DST: variants seen among roughly 807,000 people sequenced by gnomAD.
DST encodes bullous pemphigoid antigen.
A neutral mutation model predicts 875.2 loss-of-function variants in DST; 253 were observed. The ratio of observed to expected loss-of-function variants is 0.29; its 90% confidence interval spans 0.26 to 0.32. The LOEUF (loss-of-function observed/expected upper bound fraction) is 0.32, where lower values mean the gene tolerates loss of function less well. Among genes scored for constraint, DST ranks in the 10% least tolerant of loss-of-function variants. DST has a pLI of 1.00. For synonymous variants in DST, 3,124 were observed against 3,197.1 expected, an observed-to-expected ratio of 0.98 and a Z score of 0.77; for missense variants, 8,287 against 9,111.6, an observed-to-expected ratio of 0.91 and a Z score of 3.68.
chr6:56,885,947 T>C (rs562524550), intron 3 of DST, among the ~76,000 whole-genome samples: 3 of 152,244 alleles, frequency 2.0e-5, no homozygotes, highest in African/African-American at 7.2e-5. Context: ...GCCAGTGGTA[T>C]TACCCAGTAT....
rs774625619 is a variant in DST, at chr6:56,619,041, G to A, written c.4930-4557C>T. 6.8e-6 allele frequency: 11 copies of A among 1,613,310 alleles called. No individual in the cohort carries two copies. The highest frequency in any genetic ancestry group is 9.3e-6 in the Non-Finnish European group (11 of 1,179,748). Reference sequence around the variant, plus strand: ...ATAATGTTCTGTTGGTCACACTTTTGCTTAAATTCACTTACCAAATTTTGA... The same window carrying A: ...ATAATGTTCTGTTGGTCACACTTTTACTTAAATTCACTTACCAAATTTTGA... On this transcript the variant is annotated intron_variant, in intron 36 of 103. Coordinates refer to ENST00000680361, the MANE Select transcript of DST (RefSeq NM_001374736.1).
intron 95 of DST, among the ~76,000 whole-genome samples, 177 bp downstream of exon 95, chr6:56,470,929 C>A (rs1295475998): frequency 6.6e-6 from 1 of 151,988 alleles, no homozygotes; most frequent in Non-Finnish European, 1.5e-5. Flanking sequence ...AGTGAGTGTT[C>A]CTGACTCCAG....
rs1003784793 is a variant in DST, at chr6:56,535,438, T to C, written c.16771-146A>G. On this transcript the variant is annotated intron_variant, in intron 62 of 103. Coordinates refer to ENST00000680361, the MANE Select transcript of DST (RefSeq NM_001374736.1). ...ACTTAAAATTTACCCAAAGTATCGA[T>C]AGTAGGCAGGATAGCAGTGAAAAGG... 9.8e-5 allele frequency: 94 copies of C among 960,908 alleles called. No homozygotes were observed. The Admixed American group carries it at 1.5e-3, about 15-fold the overall frequency. 59.5% of individuals were successfully genotyped at this position (960,908 alleles called of 1,614,324 possible).
intron 4 of DST, among the ~76,000 whole-genome samples, chr6:56,766,008 G>C (rs1002072965): frequency 6.6e-6 from 1 of 152,122 alleles, no homozygotes; most frequent in African/African-American, 2.4e-5. Context: ...GTCCTACTTA[G>C]CTAGTCACAC....
intron 4 of DST, among the ~76,000 whole-genome samples, chr6:56,846,109 T>TA (rs2099806883): frequency 6.6e-6 from 1 of 152,208 alleles, no homozygotes; most frequent in Non-Finnish European, 1.5e-5. Context: ...TAGTACCTAC[T>TA]TCATGGGGTT....
intron 69 of DST, among the ~76,000 whole-genome samples, chr6:56,524,854 T>C (rs562786184): frequency 6.6e-6 from 1 of 152,154 alleles, no homozygotes; most frequent in African/African-American, 2.4e-5. Flanking sequence ...TACATATGCT[T>C]TCTTTCATGA....
intron 4 of DST, among the ~76,000 whole-genome samples, chr6:56,809,854 T>A (rs912065236): frequency 4.1e-4 from 63 of 152,260 alleles, no homozygotes; most frequent in African/African-American, 1.5e-3. Flanking sequence ...TAAGAAATTA[T>A]ATGAACAACT....
intron 72 of DST, 145 bp downstream of exon 72, chr6:56,515,305 A>G (rs2096567977): frequency 3.5e-6 from 3 of 855,060 alleles, no homozygotes; most frequent in Non-Finnish European, 5.3e-6. Flanking sequence ...AGAAGCAATT[A>G]TGAGGTAAGC....
At chr6:56,679,646 C>T (rs2099147566) in intron 9 of DST, among the ~76,000 whole-genome samples, 1 of 151,246 alleles carries the variant, frequency 6.6e-6, no homozygotes, top group Admixed American at 6.6e-5. Flanking sequence ...TGCCACGTGC[C>T]TGCGGTCCAA....
Position 56,843,587 on chromosome 6 carries a change from G to C in DST, c.625+7810C>G, listed in dbSNP as rs977877341. 8 of 984,078 alleles carry C rather than the reference G, an allele frequency of 8.1e-6. No individual in the cohort carries two copies. The African/African-American group carries it at 1.0e-4, about 13-fold the overall frequency. The allele number at this position is 984,078 out of a possible 1,614,324, so 61.0% of individuals were successfully genotyped here. A position where few individuals can be genotyped will look rare whatever the true frequency, so the allele number is the denominator to read the frequency against. On this transcript the variant is annotated intron_variant, in intron 4 of 103. Transcript: ENST00000680361. ...GTGCTTCGGGCCGGGCCGAGGCCGC[G>C]GCAGCGGTGCGGGAGGACCGGCGCG...
In DST at chr6:56,639,990, T is replaced by C; in HGVS notation, c.2558A>G (p.Lys853Arg). Residue 853 changes from lysine to arginine, a missense_variant, in exon 19 of 104, where the codon AAA becomes AGA. Lys to Arg is a conservative substitution (Grantham distance 26). Around this residue, in one of 10 missense-constraint regions of DST, gnomAD observed 1,160 missense variants for 1,424.3 expected, o/e 0.81. Transcript: ENST00000680361. ...PSVESHLENH[K>R]NVHRAIEEFE... ...TTCTTCAATAGCTCTATGAACATTT[T>C]TATGATTTTCTAAATGGCTTTCAAC... is the stretch of plus-strand genomic sequence containing the variant. 6.2e-7 allele frequency: 1 copy of C among 1,613,990 alleles called. No homozygotes were observed. The highest frequency in any genetic ancestry group is 8.5e-7 in the Non-Finnish European group (1 of 1,179,906).
Position 56,469,975 on chromosome 6 carries a change from G to T in DST, c.22477-18C>A, listed in dbSNP as rs2094799785. ...CTTGTCACCTGCCAAAAACAATGAT[G>T]AAATATTTACTTTAATGTCAATATT... On this transcript the variant is annotated intron_variant, in intron 96 of 103. Coordinates refer to ENST00000680361, the MANE Select transcript of DST (RefSeq NM_001374736.1). 9 of 1,612,382 alleles carry T rather than the reference G, an allele frequency of 5.6e-6. No homozygotes were observed. In the Admixed American group the frequency reaches 1.3e-4, roughly 24 times the overall value.
intron 2 of DST, among the ~76,000 whole-genome samples, chr6:56,928,283 C>T (rs992016577): frequency 3.9e-5 from 6 of 152,164 alleles, no homozygotes; most frequent in African/African-American, 9.7e-5. Flanking sequence ...TTTAGTACCT[C>T]GTATTGGCAG....
At position 56,572,418 on chromosome 6, in the gene DST, C is replaced by G. The variant is rs116121548; in HGVS notation, c.13555-152G>C. ...TGGCCAGTATTCTAAATATAATAAA[C>G]ATGCATATAGGCTATTTGAAAGGGA... On this transcript the variant is annotated intron_variant, in intron 52 of 103. Transcript: ENST00000680361. Among the ~76,000 whole-genome samples the G allele has an allele frequency of 2.3e-3, 354 of 152,238 alleles. 1 individual carries two copies. Among genetic ancestry groups the G allele is most frequent in the African/African-American group, 8.4e-3 (350 of 41,532 alleles).
Position 56,631,630 on chromosome 6 carries a change from T to C in DST, c.3964-241A>G, listed in dbSNP as rs568294364. Among the ~76,000 whole-genome samples, 31 of 152,314 alleles carry C rather than the reference T, an allele frequency of 2.0e-4. No homozygotes were observed. In the South Asian group the frequency reaches 5.8e-3, roughly 28 times the overall value. On this transcript the variant is annotated intron_variant, in intron 29 of 103. Coordinates refer to ENST00000680361, the MANE Select transcript of DST (RefSeq NM_001374736.1). ...AGTACTTTTGCACACAGCAGGTGTA[T>C]AATGACTTTTATTACAAGTCCTTAT... is the stretch of plus-strand genomic sequence containing the variant.
At position 56,459,208 on chromosome 6, in the gene DST, C is replaced by T. The variant is rs764508787; in HGVS notation, c.23254G>A (p.Ala7752Thr). 9 of 1,613,504 alleles carry T rather than the reference C, an allele frequency of 5.6e-6. No individual in the cohort carries two copies. In the Admixed American group the frequency reaches 1.3e-4, roughly 24 times the overall value. The change falls in exon 104 of 104, where the codon GCC (alanine) becomes ACC (threonine). Residue 7752 changes from alanine (A) to threonine (T), a missense_variant. Ala to Thr is a moderately conservative substitution (Grantham distance 58). This residue lies in a region of DST where 240 missense variants were observed against 237.3 expected (regional missense o/e 1.01). Coordinates refer to ENST00000680361, the MANE Select transcript of DST (RefSeq NM_001374736.1). ...SRAGSKAGSRASSRRGSDASD... is the reference protein window; with the variant it reads ...SRAGSKAGSRTSSRRGSDASD... ...GCATCACTGCCTCGGCGGCTGCTGG[C>T]CCTGCTGCCAGCTTTGCTTCCAGCT...
intron 4 of DST, among the ~76,000 whole-genome samples, chr6:56,782,509 A>G (rs1261889437): frequency 2.0e-5 from 3 of 152,162 alleles, no homozygotes; most frequent in East Asian, 3.8e-4. Flanking sequence ...GTTTATTTGC[A>G]TAGAGGTGTT....
chr6:56,901,602 A>T (rs1231760909), intron 2 of DST, among the ~76,000 whole-genome samples: 1 of 151,996 alleles, frequency 6.6e-6, no homozygotes, highest in Non-Finnish European at 1.5e-5. Context: ...CTAAAAAATA[A>T]AATAAAATAA....
intron 85 of DST, 150 bp downstream of exon 85, chr6:56,492,077 A>G: frequency 4.1e-6 from 3 of 731,676 alleles, no homozygotes; most frequent in Non-Finnish European, 6.6e-6. Flanking sequence ...AACTGAGGCC[A>G]CAGCCCTTTT....
Sources: gnomAD v4.1 joint callset for allele counts (sites outside exome capture counted in the v4.1 genomes callset) on GRCh38, gnomAD v4.1.1 for gene constraint, gnomAD v4.1.1 regional missense constraint, MANE v1.5 for transcripts, NCBI Gene and HGNC (gene_info 2026-07-23, HGNC 2026-07-21) for gene names.